Variants in CBLN2 observed in about 807,000 individuals in gnomAD.
CBLN2 encodes cerebellin 2 precursor.
CBLN2 carries 7 observed loss-of-function variants against 15.0 expected under a neutral mutation model. The ratio of observed to expected loss-of-function variants is 0.47; its 90% CI spans 0.27 to 0.88. The LOEUF is 0.88. Among genes scored for constraint, CBLN2 ranks in the 40% least tolerant of loss-of-function variants. CBLN2 has a pLI of 0.14. For synonymous variants in CBLN2, 149 were observed against 135.2 expected, an observed-to-expected ratio of 1.10 and a Z score of -0.71; for missense variants, 242 against 304.5, an observed-to-expected ratio of 0.79 and a Z score of 1.53.
intron 1 of CBLN2, among the ~76,000 whole-genome samples, chr18:72,580,197 G>A (rs1425341643): frequency 2.0e-5 from 3 of 151,878 alleles, no homozygotes; most frequent in Non-Finnish European, 4.4e-5. Context: ...GACTAGAAAT[G>A]TTCTTAAAAG....
chr18:72,541,673 G>GA (rs2144864705), intron 3 of CBLN2, 131 bp downstream of exon 3: 1 of 656,038 alleles, frequency 1.5e-6, no homozygotes, highest in Non-Finnish European at 2.5e-6. Flanking sequence ...GGAGGAAAGA[G>GA]ACTAGCAGGG....
intron 1 of CBLN2, among the ~76,000 whole-genome samples, chr18:72,577,610 C>T (rs979827660): frequency 2.0e-5 from 3 of 152,198 alleles, no homozygotes; most frequent in Non-Finnish European, 4.4e-5. Flanking sequence ...TTAACTATTT[C>T]TCAGATACAA....
chr18:72,566,106 A>C (rs994267478), intron 1 of CBLN2, among the ~76,000 whole-genome samples: 59 of 152,210 alleles, frequency 3.9e-4, no homozygotes, highest in African/African-American at 1.4e-3. Flanking sequence ...CAAATCAAAA[A>C]TACACTGAGA....
At chr18:72,570,935 A>G (rs2069328653) in intron 1 of CBLN2, among the ~76,000 whole-genome samples, 3 of 152,274 alleles carry the variant, frequency 2.0e-5, no homozygotes, top group African/African-American at 7.2e-5. Context: ...CAAATTCACA[A>G]ATATATAATT....
At chr18:72,604,987 G>A (rs957101251) in intron 1 of CBLN2, among the ~76,000 whole-genome samples, 2 of 152,200 alleles carry the variant, frequency 1.3e-5, no homozygotes, top group Non-Finnish European at 2.9e-5. Context: ...TCAGACCTCA[G>A]CCTGTCACAG....
At chr18:72,613,733 G>A (rs1345315778) in intron 1 of CBLN2, among the ~76,000 whole-genome samples, 2 of 152,112 alleles carry the variant, frequency 1.3e-5, no homozygotes, top group African/African-American at 4.8e-5. Context: ...TCTACATGAG[G>A]CCCCAGGGAC....
chr18:72,582,387 T>A (rs1168418666), intron 1 of CBLN2, among the ~76,000 whole-genome samples: 1 of 152,138 alleles, frequency 6.6e-6, no homozygotes, highest in East Asian at 1.9e-4. Flanking sequence ...TCTTTTAAGG[T>A]AATTGGCTTC....
chr18:72,567,728 T>C (rs1443299555), intron 1 of CBLN2, among the ~76,000 whole-genome samples: 2 of 152,214 alleles, frequency 1.3e-5, no homozygotes, highest in African/African-American at 2.4e-5. Flanking sequence ...CTCTCCGAAC[T>C]CCAAAATTCC....
intron 1 of CBLN2, chr18:72,625,289 G>A (rs952542144): frequency 2.6e-5 from 4 of 151,940 alleles, no homozygotes; most frequent in African/African-American, 9.7e-5. Flanking sequence ...TCATGTCTTT[G>A]TCCAGTTAAC....
chr18:72,602,215 T>C (rs976684807), intron 1 of CBLN2, among the ~76,000 whole-genome samples: 6 of 152,114 alleles, frequency 3.9e-5, no homozygotes, highest in Admixed American at 3.3e-4. Context: ...ATTTCACAGG[T>C]CAGATAACAT....
intron 1 of CBLN2, among the ~76,000 whole-genome samples, chr18:72,628,704 TC>T (rs2144976292): frequency 6.6e-6 from 1 of 152,296 alleles, no homozygotes; most frequent in East Asian, 1.9e-4. Flanking sequence ...CATTTCGTCG[TC>T]CCCTACAGTC....
intron 1 of CBLN2, among the ~76,000 whole-genome samples, chr18:72,589,851 G>A (rs945055217): frequency 6.6e-6 from 1 of 152,226 alleles, no homozygotes; most frequent in South Asian, 2.1e-4. Context: ...TGGTTGTGGA[G>A]GTCAGCTGCA....
chr18:72,601,257 G>A (rs1398612042), intron 1 of CBLN2, among the ~76,000 whole-genome samples: 4 of 152,178 alleles, frequency 2.6e-5, no homozygotes, highest in African/African-American at 9.7e-5. Context: ...ACCAAGGACA[G>A]CTTGGAGGTC....
intron 1 of CBLN2, among the ~76,000 whole-genome samples, chr18:72,627,421 T>C (rs1017941719): frequency 1.3e-5 from 2 of 152,238 alleles, no homozygotes; most frequent in African/African-American, 4.8e-5. Flanking sequence ...TAATAATTTA[T>C]GTAAGAAGAT....
Position 72,537,381 on chromosome 18 carries a change from T to A in CBLN2, c.*795A>T, listed in dbSNP as rs1259797630. The stretch of plus-strand genomic sequence containing the variant: ...ATACTTTTTGTTTAGTTTGGTCTCG[T>A]CTAAAACAAAACATACAGGTATTTT... On this transcript the variant is annotated 3_prime_UTR_variant, in exon 5 of 5. Coordinates refer to ENST00000269503, the MANE Select transcript of CBLN2 (RefSeq NM_182511.4). 1 of 152,246 alleles carries A rather than the reference T, an allele frequency of 6.6e-6. No homozygotes were observed. Among genetic ancestry groups the A allele is most frequent in the African/African-American group, 2.4e-5 (1 of 41,468 alleles). 9.4% of individuals were successfully genotyped at this position (152,246 alleles called of 1,614,324 possible).
At position 72,573,486 on chromosome 18, in the gene CBLN2, T is replaced by C. The variant is rs555849701; in HGVS notation, c.16-34714A>G. Among the ~76,000 whole-genome samples the C allele has an allele frequency of 2.6e-5, 4 of 152,336 alleles. No homozygotes were observed. The East Asian group carries it at 5.8e-4, about 22-fold the overall frequency. On this transcript the variant is annotated intron_variant, in intron 1 of 2. Transcript: ENST00000581073. Reference sequence around the variant, plus strand: ...CCATGGCAACCACTGATCTTTTTACTATCTCTACATTTTGCCTTTTATTAG... The same window carrying C: ...CCATGGCAACCACTGATCTTTTTACCATCTCTACATTTTGCCTTTTATTAG...
intron 1 of CBLN2, among the ~76,000 whole-genome samples, chr18:72,594,574 T>C (rs2069501113): frequency 6.6e-6 from 1 of 152,166 alleles, no homozygotes; most frequent in Admixed American, 6.5e-5. Flanking sequence ...ATTATTTATT[T>C]ATTCTGTTTT....
intron 1 of CBLN2, among the ~76,000 whole-genome samples, chr18:72,584,217 C>T (rs2069425731): frequency 6.6e-6 from 1 of 152,088 alleles, no homozygotes; most frequent in African/African-American, 2.4e-5. Context: ...CTCAAATAGG[C>T]TTTCATGAAC....
At chr18:72,590,721 T>A (rs2069474801) in intron 1 of CBLN2, among the ~76,000 whole-genome samples, 1 of 152,210 alleles carries the variant, frequency 6.6e-6, no homozygotes. Context: ...TCAGGTCAAA[T>A]AACCTATAGT....
Sources: gnomAD v4.1 joint callset for allele counts (sites outside exome capture counted in the v4.1 genomes callset) on GRCh38, gnomAD v4.1.1 for gene constraint, MANE v1.5 for transcripts, NCBI Gene and HGNC (gene_info 2026-07-23, HGNC 2026-07-21) for gene names.